Variants in C10orf67 observed in about 807,000 individuals in gnomAD.
C10orf67 encodes the protein chromosome 10 open reading frame 67.
C10orf67 carries 60 observed loss-of-function variants against 35.6 expected under a neutral mutation model. That is an observed-to-expected ratio of 1.68 (90% CI 1.37 to 2.09). C10orf67 has a LOEUF of 2.09. Ranked by LOEUF, C10orf67 falls within the 30% of genes most tolerant of loss-of-function variation. The pLI is 0.00. For synonymous variants in C10orf67, 167 were observed against 115.8 expected (o/e 1.44, Z -2.84); for missense variants, 474 against 330.2 (o/e 1.44, Z -3.38).
intron 15 of C10orf67, among the ~76,000 whole-genome samples, chr10:23,210,507 T>A (rs929443924): frequency 6.6e-6 from 1 of 152,062 alleles, no homozygotes; most frequent in Non-Finnish European, 1.5e-5. Flanking sequence ...GTAACCTCCA[T>A]CGCCTGGGTT....
intron 13 of C10orf67, among the ~76,000 whole-genome samples, chr10:23,230,459 C>T (rs1324752986): frequency 6.6e-6 from 1 of 151,840 alleles, no homozygotes; most frequent in Non-Finnish European, 1.5e-5. Context: ...AAGATTAAGT[C>T]AGAATAACAT....
chr10:23,298,284 C>G (rs912649150), intron 5 of C10orf67, among the ~76,000 whole-genome samples: 1 of 152,058 alleles, frequency 6.6e-6, no homozygotes, highest in East Asian at 1.9e-4. Context: ...AAAATAAAAA[C>G]AATGAGGCCA....
intron 5 of C10orf67, 115 bp from the exon 6 acceptor site, chr10:23,291,394 C>T (rs981242117): frequency 2.5e-5 from 15 of 600,292 alleles, no homozygotes; most frequent in Non-Finnish European, 4.4e-5. Flanking sequence ...TTCTATTACA[C>T]ACTTATAAGA....
chr10:23,243,487 C>T (rs565361023), intron 12 of C10orf67, among the ~76,000 whole-genome samples: 2 of 151,620 alleles, frequency 1.3e-5, no homozygotes, highest in South Asian at 4.2e-4. Flanking sequence ...AGTTTGAGAC[C>T]AGCCTGACCA....
rs117082032 is a variant in C10orf67 at position 23,213,150 on chromosome 10, C to A, written c.1571-8895G>T. On this transcript the variant is annotated intron_variant, in intron 15 of 15. Coordinates refer to ENST00000636213, the MANE Select transcript of C10orf67 (RefSeq NM_001371909.1). ...TAAAACATGGGATAAACTGGCATAG[C>A]TAAAGAGAGAATTTGAATGTTGGAA... is the stretch of plus-strand genomic sequence containing the variant. 2.2e-3 allele frequency among the ~76,000 whole-genome samples: 329 copies of A among 152,070 alleles called. 10 individuals are homozygous for A. The East Asian group carries it at 0.035, about 16-fold the overall frequency.
chr10:23,309,889 G>A (rs1008617481), intron 4 of C10orf67, among the ~76,000 whole-genome samples: 2 of 152,160 alleles, frequency 1.3e-5, no homozygotes, highest in Non-Finnish European at 2.9e-5. Context: ...CTTTCAGTCG[G>A]TCCTCAAACT....
chr10:23,207,590 A>G (rs557353600), intron 15 of C10orf67, among the ~76,000 whole-genome samples: 1 of 152,304 alleles, frequency 6.6e-6, no homozygotes, highest in African/African-American at 2.4e-5. Flanking sequence ...ACATTTCTCA[A>G]TTAAATTAGA....
intron 13 of C10orf67, among the ~76,000 whole-genome samples, chr10:23,233,237 A>G (rs566556456): frequency 1.2e-4 from 18 of 152,358 alleles, no homozygotes; most frequent in African/African-American, 4.1e-4. Context: ...TTTATTCAAG[A>G]GAAATTAATA....
rs180800320 is a variant in C10orf67 at position 23,223,787 on chromosome 10, G to A, written c.1466C>T (p.Thr489Met). The A allele has an allele frequency of 4.0e-4, 287 of 715,344 alleles. 2 individuals are homozygous for A. Among genetic ancestry groups the A allele is most frequent in the African/African-American group, 4.0e-3 (227 of 57,278 alleles). 44.3% of individuals were successfully genotyped at this position (715,344 alleles called of 1,614,324 possible). The change falls in exon 14 of 16, where the codon ACG (threonine) becomes ATG (methionine). Residue 489 changes from threonine (T) to methionine (M), a missense_variant. Coordinates refer to ENST00000636213, the MANE Select transcript of C10orf67 (RefSeq NM_001371909.1). ...KVKPLLVQSR[T>M]TMTAISSSSH... The stretch of plus-strand genomic sequence containing the variant: ...TGAAGAGGATATAGCTGTCATGGTC[G>A]TTCTAGACTGCACTAATAAGGGTTT...
intron 1 of C10orf67, among the ~76,000 whole-genome samples, chr10:23,340,349 CAAAAAAAAA>C (rs34098221): frequency 2.4e-4 from 28 of 118,586 alleles, no homozygotes; most frequent in African/African-American, 8.8e-4. Flanking sequence ...TACAAAAATA[CAAAAAAAAA>C]AAAAAAAAAA....
At chr10:23,283,712 A>G (rs144193074) in intron 7 of C10orf67, among the ~76,000 whole-genome samples, 8 of 147,860 alleles carry the variant, frequency 5.4e-5, no homozygotes, top group African/African-American at 2.0e-4. Flanking sequence ...ACCCCTCCCA[A>G]CTCTCCTGCA....
rs1845544061 is a variant in C10orf67, at chr10:23,333,069, A to G, written c.320T>C (p.Leu107Ser). 1 of 1,611,692 alleles carries G rather than the reference A, an allele frequency of 6.2e-7. No individual in the cohort carries two copies. The highest frequency in any genetic ancestry group is 8.5e-7 in the Non-Finnish European group (1 of 1,179,208). Residue 107 changes from leucine to serine, a missense_variant, in exon 2 of 16, where the codon TTA (leucine) becomes TCA (serine). Transcript: ENST00000636213. Reference protein sequence around the residue: ...VKELSSSTQKLAQMMKSLQVD... With the variant: ...VKELSSSTQKSAQMMKSLQVD... ...GAACAAATTCAGATTTACCTGTGCT[A>G]ACTTTTGCGTAGATGAACTCAATTC...
At chr10:23,209,050 G>T (rs189161297) in intron 15 of C10orf67, among the ~76,000 whole-genome samples, 33 of 152,052 alleles carry the variant, frequency 2.2e-4, no homozygotes, top group African/African-American at 7.5e-4. Context: ...ATGTGTACAG[G>T]CACAGGTGCT....
intron 12 of C10orf67, among the ~76,000 whole-genome samples, chr10:23,249,003 G>A (rs1969879): frequency 2.0e-5 from 3 of 151,338 alleles, no homozygotes; most frequent in South Asian, 2.1e-4. Context: ...GGTGGTGGGC[G>A]CCTGTAATCC....
At chr10:23,323,802 C>A (rs1339881677) in intron 2 of C10orf67, among the ~76,000 whole-genome samples, 1 of 146,258 alleles carries the variant, frequency 6.8e-6, no homozygotes, top group Non-Finnish European at 1.5e-5. Context: ...ATCCCAGCCA[C>A]TTGGGAGCTT....
chr10:23,226,126 C>G (rs1841735159), intron 13 of C10orf67, among the ~76,000 whole-genome samples: 1 of 152,236 alleles, frequency 6.6e-6, no homozygotes, highest in Admixed American at 6.5e-5. Context: ...CCCAAATCAA[C>G]AGAATATACA....
At chr10:23,291,909 T>G in intron 5 of C10orf67, among the ~76,000 whole-genome samples, 1 of 152,166 alleles carries the variant, frequency 6.6e-6, no homozygotes, top group Non-Finnish European at 1.5e-5. Context: ...TGGCTTTGCA[T>G]GCTTGTCACA....
chr10:23,247,345 G>A (rs982005272), intron 12 of C10orf67, among the ~76,000 whole-genome samples: 2 of 152,030 alleles, frequency 1.3e-5, no homozygotes, highest in Admixed American at 6.6e-5. Context: ...CTATGTTTAG[G>A]TATATTTAGA....
chr10:23,287,853 A>T (rs1843596372), intron 7 of C10orf67, among the ~76,000 whole-genome samples: 1 of 152,258 alleles, frequency 6.6e-6, no homozygotes, highest in African/African-American at 2.4e-5. Flanking sequence ...TTACGTGGCC[A>T]ACAAACGTGA....
Sources: allele counts gnomAD v4.1 joint callset (sites outside exome capture counted in the v4.1 genomes callset), GRCh38; gene constraint gnomAD v4.1.1; transcripts MANE v1.5; gene names NCBI Gene and HGNC (gene_info 2026-07-23, HGNC 2026-07-21).